MARCHF1: variants seen among roughly 807,000 people sequenced by gnomAD.
MARCHF1 encodes membrane associated ring-CH-type finger 1.
In MARCHF1, 40 loss-of-function variants were observed where a neutral mutation model predicts 54.2. That is an observed-to-expected ratio of 0.74 (90% confidence interval 0.57 to 0.96). The LOEUF is 0.96. MARCHF1 is among the 40% of genes least tolerant of loss of function. The pLI is 0.00. For synonymous variants in MARCHF1, 236 were observed against 236.3 expected (o/e 1.00, Z 0.01); for missense variants, 586 against 656.5 (o/e 0.89, Z 1.17).
intron 4 of MARCHF1, among the ~76,000 whole-genome samples, chr4:163,782,669 C>CAAAAAA (rs779917586): frequency 1.8e-5 from 2 of 108,336 alleles, no homozygotes; most frequent in Non-Finnish European, 1.8e-5. Context: ...ACTCCATCTC[C>CAAAAAA]AAAAAAAAAA....
intron 1 of MARCHF1, among the ~76,000 whole-genome samples, chr4:164,321,023 A>T (rs1282824792): frequency 6.6e-6 from 1 of 152,216 alleles, no homozygotes; most frequent in Admixed American, 6.6e-5. Flanking sequence ...GATTTGGTGA[A>T]TACAGGGGAT....
intron 3 of MARCHF1, among the ~76,000 whole-genome samples, chr4:163,986,285 T>A (rs539639571): frequency 9.9e-6 from 1 of 100,926 alleles, no homozygotes; most frequent in East Asian, 3.5e-4. Flanking sequence ...TTTTTTGAGA[T>A]GGAGTGTCTC....
intron 1 of MARCHF1, among the ~76,000 whole-genome samples, chr4:164,306,243 C>G (rs1049662534): frequency 6.6e-6 from 1 of 152,046 alleles, no homozygotes; most frequent in Non-Finnish European, 1.5e-5. Flanking sequence ...AAATTATAAT[C>G]ATTAAAAAGT....
chr4:163,956,958 A>G (rs1023192239), intron 3 of MARCHF1, among the ~76,000 whole-genome samples: 1 of 152,074 alleles, frequency 6.6e-6, no homozygotes, highest in African/African-American at 2.4e-5. Flanking sequence ...TATTCACTTT[A>G]TAGCTATATT....
intron 1 of MARCHF1, among the ~76,000 whole-genome samples, chr4:164,262,201 G>C (rs1733487623): frequency 6.6e-6 from 1 of 151,664 alleles, no homozygotes; most frequent in Non-Finnish European, 1.5e-5. Context: ...TCCCCTCAAA[G>C]CCTGATAGGG....
intron 3 of MARCHF1, among the ~76,000 whole-genome samples, chr4:163,936,746 T>C (rs1391208645): frequency 6.6e-6 from 1 of 152,222 alleles, no homozygotes; most frequent in East Asian, 1.9e-4. Context: ...AAACACCATC[T>C]GCTAGAATGA....
chr4:163,972,852 C>T (rs192231653), intron 3 of MARCHF1, among the ~76,000 whole-genome samples: 5 of 152,054 alleles, frequency 3.3e-5, no homozygotes, highest in East Asian at 3.9e-4. Flanking sequence ...CCACCGCGCC[C>T]GGCCTTAATG....
chr4:163,643,194 G>T (rs1382760611), intron 5 of MARCHF1, among the ~76,000 whole-genome samples: 1 of 151,316 alleles, frequency 6.6e-6, no homozygotes, highest in East Asian at 1.9e-4. Flanking sequence ...AAGTGGTAGT[G>T]GTGCACGTCT....
chr4:163,871,014 T>G (rs557055515), intron 3 of MARCHF1, among the ~76,000 whole-genome samples: 88 of 152,288 alleles, frequency 5.8e-4, no homozygotes, highest in Admixed American at 2.1e-3. Context: ...CAAGAAATGA[T>G]AAATATTTGA....
intron 4 of MARCHF1, among the ~76,000 whole-genome samples, chr4:163,720,001 T>C (rs1745393786): frequency 6.6e-6 from 1 of 152,240 alleles, no homozygotes; most frequent in South Asian, 2.1e-4. Flanking sequence ...GATGATAGTT[T>C]CTTTTGCTGT....
intron 3 of MARCHF1, among the ~76,000 whole-genome samples, chr4:163,954,220 TG>T (rs1752189148): frequency 6.6e-6 from 1 of 152,158 alleles, no homozygotes; most frequent in South Asian, 2.1e-4. Context: ...AAAAATCACA[TG>T]GAATATTAAG....
intron 1 of MARCHF1, among the ~76,000 whole-genome samples, chr4:164,315,231 CAA>C (rs58264322): frequency 1.2e-3 from 123 of 100,670 alleles, no homozygotes; most frequent in Middle Eastern, 5.2e-3. Context: ...GTTAATTTAA[CAA>C]AAAAAAAAAA....
chr4:163,951,451 A>T (rs1752132948), intron 3 of MARCHF1, among the ~76,000 whole-genome samples: 1 of 152,232 alleles, frequency 6.6e-6, no homozygotes, highest in South Asian at 2.1e-4. Flanking sequence ...ACACAGGCAA[A>T]ACCAAAACCA....
intron 4 of MARCHF1, among the ~76,000 whole-genome samples, chr4:163,753,052 C>G (rs1440557121): frequency 6.6e-6 from 1 of 152,068 alleles, no homozygotes; most frequent in Non-Finnish European, 1.5e-5. Context: ...ACCCATATTT[C>G]ATGGATATTC....
At chr4:164,310,020 G>C (rs1449849707) in intron 1 of MARCHF1, among the ~76,000 whole-genome samples, 3 of 151,736 alleles carry the variant, frequency 2.0e-5, no homozygotes, top group African/African-American at 7.3e-5. Flanking sequence ...TAGGTACATA[G>C]AAAGTGTATA....
At chr4:163,932,743 T>A in intron 3 of MARCHF1, 2 of 548,854 alleles carry the variant, frequency 3.6e-6, no homozygotes, top group Non-Finnish European at 7.1e-6. Flanking sequence ...GACAAGAAGT[T>A]GCAGCTGATT....
chr4:163,893,054 C>T (rs1019726634), intron 3 of MARCHF1, among the ~76,000 whole-genome samples: 26 of 151,564 alleles, frequency 1.7e-4, no homozygotes, highest in Non-Finnish European at 3.5e-4. Flanking sequence ...TTGACCTTTG[C>T]CCCAGAAGGA....
intron 3 of MARCHF1, among the ~76,000 whole-genome samples, chr4:163,949,102 A>G (rs4373123): frequency 0.54 from 82,837 of 152,064 alleles, 23,791 homozygotes; most frequent in Middle Eastern, 0.68. Flanking sequence ...CTCAACTCTC[A>G]CTACCGGCTT....
intron 4 of MARCHF1, among the ~76,000 whole-genome samples, chr4:163,731,136 C>A (rs765518109): frequency 2.6e-5 from 4 of 151,950 alleles, no homozygotes; most frequent in Non-Finnish European, 5.9e-5. Context: ...AAAGTAAAGC[C>A]CCCTATGACC....
Sources: allele counts gnomAD v4.1 joint callset (sites outside exome capture counted in the v4.1 genomes callset), GRCh38; gene constraint gnomAD v4.1.1; transcripts MANE v1.5; gene names NCBI Gene and HGNC (gene_info 2026-07-23, HGNC 2026-07-21).